Variants in CD226 observed in about 807,000 individuals in gnomAD.
CD226 encodes the protein CD226 molecule, also known as CD226 antigen.
In CD226, 24 loss-of-function variants were observed where a neutral mutation model predicts 34.9. That is an observed-to-expected ratio of 0.69 (90% CI 0.50 to 0.97). CD226 has a LOEUF of 0.97. CD226 is among the 50% of genes least tolerant of loss of function. The probability of loss-of-function intolerance (pLI) is 0.00; values close to 1 mark genes in which losing one functional copy is unlikely to be tolerated. For synonymous variants in CD226, 148 were observed against 147.4 expected, an observed-to-expected ratio of 1.00 and a Z score of -0.03; for missense variants, 397 against 412.7, an observed-to-expected ratio of 0.96 and a Z score of 0.33.
At chr18:69,869,799 CTTTTTTTTTTTTTTTTTTT>C (rs1035365911) in intron 4 of CD226, among the ~76,000 whole-genome samples, 1 of 121,694 alleles carries the variant, frequency 8.2e-6, no homozygotes, top group African/African-American at 2.9e-5. Flanking sequence ...TCTTTTTTTT[CTTTTTTTTTTTTTTTTTTT>C]GAGATGGAGT....
chr18:69,877,458 C>T (rs1466700530), intron 3 of CD226, among the ~76,000 whole-genome samples: 1 of 152,148 alleles, frequency 6.6e-6, no homozygotes, highest in Non-Finnish European at 1.5e-5. Context: ...ATGGAGGCTT[C>T]ATTACGTAGG....
At chr18:69,865,199 A>T (rs1983064774) in intron 5 of CD226, among the ~76,000 whole-genome samples, 1 of 152,148 alleles carries the variant, frequency 6.6e-6, no homozygotes, top group Non-Finnish European at 1.5e-5. Flanking sequence ...CATGTTGGCC[A>T]GGCTGGTCTC....
intron 2 of CD226, among the ~76,000 whole-genome samples, chr18:69,905,745 A>G (rs770897356): frequency 1.1e-4 from 16 of 152,222 alleles, no homozygotes; most frequent in South Asian, 2.1e-4. Context: ...TAAAAAGACG[A>G]TAAGTCCTCC....
chr18:69,890,264 A>G (rs1984811962), intron 3 of CD226, among the ~76,000 whole-genome samples: 1 of 152,200 alleles, frequency 6.6e-6, no homozygotes, highest in Admixed American at 6.5e-5. Flanking sequence ...ATAATCCTTA[A>G]TCTCAATTAA....
At chr18:69,917,125 C>T (rs2055395787) in intron 2 of CD226, among the ~76,000 whole-genome samples, 1 of 152,232 alleles carries the variant, frequency 6.6e-6, no homozygotes, top group Admixed American at 6.5e-5. Context: ...ATATACATTA[C>T]ATAGTACAGC....
intron 2 of CD226, among the ~76,000 whole-genome samples, chr18:69,911,419 T>C (rs1267965273): frequency 1.3e-5 from 2 of 152,214 alleles, no homozygotes; most frequent in Non-Finnish European, 2.9e-5. Context: ...AACTGCCTTC[T>C]TCATTTTTGG....
At chr18:69,957,109 T>C (rs757347658), upstream of CD226, 1 of 152,220 alleles carries the variant, frequency 6.6e-6, no homozygotes, top group Non-Finnish European at 1.5e-5. Flanking sequence ...CAAACTCAGA[T>C]AAAGTTCTGT....
In CD226 at chr18:69,933,306, T is replaced by C. The variant is rs148598224; in HGVS notation, c.382+13428A>G. 3.3e-3 allele frequency among the ~76,000 whole-genome samples: 510 copies of C among 152,246 alleles called. 4 individuals are homozygous for C. The highest frequency in any genetic ancestry group is 6.1e-3 in the Non-Finnish European group (416 of 68,010). Reference sequence around the variant, plus strand: ...ATCTGGACCTTCCACCCTCCGACCTTCCCCTAAGCCTCTGGCCAAATTTGT... The same window carrying C: ...ATCTGGACCTTCCACCCTCCGACCTCCCCCTAAGCCTCTGGCCAAATTTGT... On this transcript the variant is annotated intron_variant, in intron 2 of 5. Coordinates refer to ENST00000582621, the MANE Select transcript of CD226 (RefSeq NM_001303618.2).
In CD226 at chr18:69,923,159, A is replaced by C. The variant is rs1025044397; in HGVS notation, c.382+23575T>G. On this transcript the variant is annotated intron_variant, in intron 2 of 5. Coordinates refer to ENST00000582621, the MANE Select transcript of CD226 (RefSeq NM_001303618.2). ...AAAGTCAAAGAAGAAAGAAAGAAAG[A>C]GAGAAAGAGAAAAAGAGAGAAAGAA... 7.3e-5 allele frequency among the ~76,000 whole-genome samples: 11 copies of C among 151,626 alleles called. No homozygotes were observed. The East Asian group carries it at 1.4e-3, about 19-fold the overall frequency.
intron 2 of CD226, among the ~76,000 whole-genome samples, chr18:69,896,422 C>T (rs933247358): frequency 6.6e-6 from 1 of 152,166 alleles, no homozygotes; most frequent in Non-Finnish European, 1.5e-5. Flanking sequence ...ACCTTGTGAT[C>T]CGCCCACCTC....
chr18:69,936,778 A>C (rs1390461216), intron 2 of CD226, among the ~76,000 whole-genome samples: 1 of 152,216 alleles, frequency 6.6e-6, no homozygotes, highest in African/African-American at 2.4e-5. Flanking sequence ...CATCTGACTT[A>C]AGAAAATTAA....
In CD226 at chr18:69,933,090, A is replaced by C. The variant is rs115946882; in HGVS notation, c.382+13644T>G. Among the ~76,000 whole-genome samples the C allele has an allele frequency of 5.7e-3, 861 of 152,322 alleles. 12 individuals are homozygous for C. The highest frequency in any genetic ancestry group is 0.02 in the African/African-American group (813 of 41,572). On this transcript the variant is annotated intron_variant, in intron 2 of 5. Transcript: ENST00000582621. ...TGGGGGCAGTGTCCTCCCTCACTGC[A>C]GGGCCACAGGCCTCCCACTTTCTTG... is the stretch of plus-strand genomic sequence containing the variant.
chr18:69,900,434 T>A (rs1206087871), intron 2 of CD226, among the ~76,000 whole-genome samples: 1 of 152,310 alleles, frequency 6.6e-6, no homozygotes, highest in East Asian at 1.9e-4. Flanking sequence ...CCTAAAAGTT[T>A]TTTTAAAAAT....
rs142260459 is a variant in CD226 at position 69,930,414 on chromosome 18, G to T, written c.382+16320C>A. Among the ~76,000 whole-genome samples, 52 of 152,296 alleles carry T rather than the reference G, an allele frequency of 3.4e-4. No individual in the cohort carries two copies. In the East Asian group the frequency reaches 9.8e-3, roughly 29 times the overall value. Reference sequence around the variant, plus strand: ...AAATGTATTTGTGAAAGGAGCAAAAGCATCAAATCTCTGAGAACACAGGGA... The same window carrying T: ...AAATGTATTTGTGAAAGGAGCAAAATCATCAAATCTCTGAGAACACAGGGA... On this transcript the variant is annotated intron_variant, in intron 2 of 5. Coordinates refer to ENST00000582621, the MANE Select transcript of CD226 (RefSeq NM_001303618.2).
At position 69,896,031 on chromosome 18, in the gene CD226, C is replaced by A; in HGVS notation, c.397G>T (p.Ala133Ser). 6.2e-7 allele frequency: 1 copy of A among 1,608,328 alleles called. No individual in the cohort carries two copies. ...ACAATGTGGCTATTTGATGGCACAG[C>A]TGCCTCAAAACTATCTGAAAAGAAG... is the stretch of plus-strand genomic sequence containing the variant. ...QVVQSDSFEAAVPSNSHIVSE... is the reference protein window; with the variant it reads ...QVVQSDSFEASVPSNSHIVSE... Residue 133 changes from alanine to serine, a missense_variant, in exon 3 of 6, where the codon GCT becomes TCT. Ala to Ser is a moderately conservative substitution (Grantham distance 99). Coordinates refer to ENST00000582621, the MANE Select transcript of CD226 (RefSeq NM_001303618.2).
chr18:69,923,020 C>T (rs779828064), intron 2 of CD226, among the ~76,000 whole-genome samples: 1 of 152,048 alleles, frequency 6.6e-6, no homozygotes, highest in Non-Finnish European at 1.5e-5. Flanking sequence ...GTAATCCCAG[C>T]TACTCAGGAG....
In CD226 at chr18:69,861,520, T is replaced by C. The variant is rs1019304056; in HGVS notation, c.*2794A>G. The stretch of plus-strand genomic sequence containing the variant: ...GGAAGCATAGATTCTTAATGTATTA[T>C]CCATCGATATAAATTATATGTGTAT... On this transcript the variant is annotated 3_prime_UTR_variant, in exon 6 of 6. Coordinates refer to ENST00000582621, the MANE Select transcript of CD226 (RefSeq NM_001303618.2). The C allele has an allele frequency of 8.6e-5, 10 of 115,688 alleles. No homozygotes were observed. In the Admixed American group the frequency reaches 8.9e-4, roughly 10 times the overall value. The allele number at this position is 115,688 out of a possible 1,614,324, so 7.2% of individuals were successfully genotyped here.
In CD226 at chr18:69,895,995, C is replaced by T; in HGVS notation, c.433G>A (p.Gly145Arg). The stretch of plus-strand genomic sequence containing the variant: ...TGACAAGTGAGTGTGACATTCTTTC[C>T]AGGTTCCGAAACAATGTGGCTATTT... ...PSNSHIVSEP[G>R]KNVTLTCQPQ... The change falls in exon 3 of 6, where the codon GGA (glycine) becomes AGA (arginine). Residue 145 changes from glycine (G) to arginine (R), a missense_variant. By Grantham distance (125) the Gly-to-Arg change is moderately radical. Coordinates refer to ENST00000582621, the MANE Select transcript of CD226 (RefSeq NM_001303618.2). 2 of 1,613,542 alleles carry T rather than the reference C, an allele frequency of 1.2e-6. No individual in the cohort carries two copies. Among genetic ancestry groups the T allele is most frequent in the Non-Finnish European group, 1.7e-6 (2 of 1,180,004 alleles).
intron 3 of CD226, among the ~76,000 whole-genome samples, chr18:69,880,353 AAAGAAAGG>A (rs71178832): frequency 0.44 from 51,291 of 117,794 alleles, 11,818 homozygotes; most frequent in East Asian, 0.68. Context: ...AGAAAGAAAG[AAAGAAAGG>A]AAGGAAGGAA....
Sources: allele counts gnomAD v4.1 joint callset (sites outside exome capture counted in the v4.1 genomes callset), GRCh38; gene constraint gnomAD v4.1.1; transcripts MANE v1.5; gene names NCBI Gene and HGNC (gene_info 2026-07-23, HGNC 2026-07-21).